SNRPN: variants seen among roughly 807,000 people sequenced by gnomAD.
SNRPN encodes the protein small nuclear ribonucleoprotein polypeptide N.
Under a neutral mutation model 25.2 loss-of-function variants are expected in SNRPN, and 7 were observed. The ratio of observed to expected loss-of-function variants is 0.28; its 90% CI spans 0.16 to 0.52. The LOEUF is 0.52. SNRPN is among the 20% of genes least tolerant of loss of function. The pLI is 0.96. For synonymous variants in SNRPN, 124 were observed against 110.6 expected (o/e 1.12, Z -0.76); for missense variants, 196 against 322.5 (o/e 0.61, Z 3.00).
chr15:24,934,504 T>A (rs1194915960), intron 3 of SNRPN, among the ~76,000 whole-genome samples: 2 of 152,122 alleles, frequency 1.3e-5, no homozygotes, highest in Non-Finnish European at 2.9e-5. Flanking sequence ...GCCTAAAATA[T>A]TTACTCTCTG....
chr15:24,923,125 C>T (rs1409221440), intron 3 of SNRPN, among the ~76,000 whole-genome samples: 5 of 152,014 alleles, frequency 3.3e-5, no homozygotes, highest in African/African-American at 7.2e-5. Flanking sequence ...AGGCTGGTCT[C>T]GAACTCCTGA....
intron 3 of SNRPN, among the ~76,000 whole-genome samples, chr15:24,943,926 A>G (rs1056767235): frequency 6.6e-6 from 1 of 152,072 alleles, no homozygotes; most frequent in Non-Finnish European, 1.5e-5. Flanking sequence ...GGTTCAAGCA[A>G]TTCTCATGCC....
intron 8 of SNRPN, 112 bp downstream of exon 8, chr15:24,978,028 T>A: frequency 8.1e-7 from 1 of 1,230,132 alleles, no homozygotes; most frequent in Non-Finnish European, 1.1e-6. Flanking sequence ...TTCCTTCTTC[T>A]AGATACTGGT....
At chr15:24,900,284 A>G (rs186158030) in intron 2 of SNRPN, among the ~76,000 whole-genome samples, 2 of 152,318 alleles carry the variant, frequency 1.3e-5, no homozygotes, top group East Asian at 3.9e-4. Flanking sequence ...GCGACTATAA[A>G]GGAAATTCAT....
At chr15:24,924,020 G>C (rs747662050) in intron 3 of SNRPN, among the ~76,000 whole-genome samples, 6 of 144,978 alleles carry the variant, frequency 4.1e-5, no homozygotes, top group Middle Eastern at 7.2e-3. Flanking sequence ...TGAGGTTTCA[G>C]CATGTAGCTC....
intron 2 of SNRPN, among the ~76,000 whole-genome samples, chr15:24,915,789 G>A (rs1271423490): frequency 6.6e-6 from 1 of 152,098 alleles, no homozygotes; most frequent in Non-Finnish European, 1.5e-5. Context: ...AATTATAGAA[G>A]AATGTTGCTA....
intron 7 of SNRPN, 109 bp downstream of exon 7, chr15:24,977,138 G>A: frequency 1.2e-6 from 1 of 834,150 alleles, no homozygotes; most frequent in Non-Finnish European, 1.7e-6. Context: ...AACAGCATAT[G>A]GTTTAGGAGG....
intron 2 of SNRPN, chr15:24,910,935 C>T: frequency 1.3e-6 from 1 of 763,048 alleles, no homozygotes; most frequent in Middle Eastern, 3.8e-4. Context: ...TGTAGGCTGG[C>T]AGAGGAAAGT....
chr15:24,971,532 T>G (rs2076404085), intron 3 of SNRPN, among the ~76,000 whole-genome samples: 2 of 151,374 alleles, frequency 1.3e-5, no homozygotes, highest in Non-Finnish European at 2.9e-5. Flanking sequence ...GTTATTATTA[T>G]ATTATGATAT....
intron 1 of SNRPN, among the ~76,000 whole-genome samples, chr15:24,873,594 C>T (rs929527842): frequency 6.6e-6 from 1 of 151,920 alleles, no homozygotes; most frequent in Non-Finnish European, 1.5e-5. Context: ...ACCACAAGTG[C>T]CCACCACCAC....
intron 2 of SNRPN, among the ~76,000 whole-genome samples, chr15:24,836,258 T>G (rs1254936015): frequency 6.6e-6 from 1 of 151,940 alleles, no homozygotes; most frequent in Non-Finnish European, 1.5e-5. Context: ...ACCTTAATCA[T>G]CTAATAGAAG....
At chr15:24,864,758 A>T (rs2148073838) in intron 1 of SNRPN, among the ~76,000 whole-genome samples, 1 of 152,130 alleles carries the variant, frequency 6.6e-6, no homozygotes, top group Non-Finnish European at 1.5e-5. Flanking sequence ...CTTAGTTCAA[A>T]ATGTTGTTTA....
At chr15:24,975,059 T>C (rs2076913346) in intron 4 of SNRPN, 2 of 687,874 alleles carry the variant, frequency 2.9e-6, no homozygotes, top group South Asian at 3.1e-5. Context: ...CCCTACATCA[T>C]TGTGGTTTGG....
chr15:24,834,675 C>A (rs1220881581), intron 2 of SNRPN, among the ~76,000 whole-genome samples: 2 of 148,690 alleles, frequency 1.3e-5, no homozygotes, highest in African/African-American at 5.0e-5. Flanking sequence ...TGATCATGAT[C>A]AGGTCACTGC....
chr15:24,970,070 A>G (rs1014074208), intron 3 of SNRPN, among the ~76,000 whole-genome samples: 13 of 152,226 alleles, frequency 8.5e-5, no homozygotes, highest in African/African-American at 2.9e-4. Flanking sequence ...TCATAATGTC[A>G]TAGAAGGTGA....
intron 2 of SNRPN, among the ~76,000 whole-genome samples, chr15:24,895,225 C>A (rs908087774): frequency 6.6e-6 from 1 of 152,106 alleles, no homozygotes; most frequent in African/African-American, 2.4e-5. Context: ...AGCAGAAAGT[C>A]AAAAAGCCCT....
At chr15:24,931,259 G>A (rs1363198877) in intron 3 of SNRPN, among the ~76,000 whole-genome samples, 3 of 152,122 alleles carry the variant, frequency 2.0e-5, no homozygotes, top group Admixed American at 1.3e-4. Flanking sequence ...AGGATATACT[G>A]AATGATTTTA....
chr15:24,896,045 G>A (rs2058064988), intron 2 of SNRPN, among the ~76,000 whole-genome samples: 1 of 152,216 alleles, frequency 6.6e-6, no homozygotes, highest in Non-Finnish European at 1.5e-5. Context: ...GCATGGGCAA[G>A]CTATTAGGTA....
intron 3 of SNRPN, among the ~76,000 whole-genome samples, chr15:24,926,678 T>C (rs536789545): frequency 1.3e-4 from 20 of 152,250 alleles, no homozygotes; most frequent in African/African-American, 4.6e-4. Context: ...TTTAAATTTT[T>C]ACTTTGAAAC....
Sources: allele counts gnomAD v4.1 joint callset (sites outside exome capture counted in the v4.1 genomes callset), GRCh38; gene constraint gnomAD v4.1.1; transcripts MANE v1.5; gene names NCBI Gene and HGNC (gene_info 2026-07-23, HGNC 2026-07-21).